The following GPATCH2 variants were observed in gnomAD, a reference collection of about 807,000 sequenced individuals.
GPATCH2 encodes the protein G-patch domain containing 2, also known as G patch domain-containing protein 2.
GPATCH2 carries 51 observed loss-of-function variants against 58.0 expected under a neutral mutation model. That is an observed-to-expected ratio of 0.88 (90% confidence interval 0.70 to 1.11). The LOEUF (loss-of-function observed/expected upper bound fraction) is 1.11, where lower values mean the gene tolerates loss of function less well. Among genes scored for constraint, GPATCH2 ranks in the 50% most tolerant of loss-of-function variants. The pLI is 0.00. For missense variants in GPATCH2, 625 were observed against 652.2 expected, an observed-to-expected ratio of 0.96 and a Z score of 0.45; for synonymous variants, 222 against 218.5, an observed-to-expected ratio of 1.02 and a Z score of -0.14.
chr1:217,531,044 AACACACACAC>A (rs56751109), intron 5 of GPATCH2, among the ~76,000 whole-genome samples: 8 of 148,190 alleles, frequency 5.4e-5, no homozygotes, highest in African/African-American at 1.7e-4. Context: ...CAGTTACACA[AACACACACAC>A]ACACACACAC....
At chr1:217,491,791 T>C in intron 7 of GPATCH2, 41 bp from the exon 8 acceptor site, 1 of 746,740 alleles carries the variant, frequency 1.3e-6, no homozygotes, top group South Asian at 1.9e-5. Context: ...AACAAAAATA[T>C]TTTCATTATA....
intron 2 of GPATCH2, among the ~76,000 whole-genome samples, chr1:217,618,319 C>T (rs1668998224): frequency 1.3e-5 from 2 of 150,836 alleles, no homozygotes; most frequent in African/African-American, 4.9e-5. Flanking sequence ...AAGCAATTCT[C>T]CTGCCTCAGC....
intron 9 of GPATCH2, among the ~76,000 whole-genome samples, chr1:217,435,699 T>C (rs1055224932): frequency 1.3e-5 from 2 of 152,202 alleles, no homozygotes; most frequent in African/African-American, 2.4e-5. Context: ...ATTATAACAA[T>C]GATAAGTTAT....
In GPATCH2 at chr1:217,428,627, T is replaced by C. The variant is rs146157028; in HGVS notation, c.*2518A>G. ...TCTGCTTTGAGTGCTGATTCACATA[T>C]ACTGTAGAGTACATATATTCTGTAC... On this transcript the variant is annotated 3_prime_UTR_variant, in exon 10 of 10. Transcript: ENST00000366935. 5 of 152,340 alleles carry C rather than the reference T, an allele frequency of 3.3e-5. No individual in the cohort carries two copies. The highest frequency in any genetic ancestry group is 6.5e-5 in the Admixed American group (1 of 15,312). The allele number at this position is 152,340 out of a possible 1,614,324, so 9.4% of individuals were successfully genotyped here. A position where few individuals can be genotyped will look rare whatever the true frequency, so the allele number is the denominator to read the frequency against.
At chr1:217,616,331 T>C (rs1217076086) in intron 2 of GPATCH2, among the ~76,000 whole-genome samples, 2 of 152,186 alleles carry the variant, frequency 1.3e-5, no homozygotes, top group African/African-American at 4.8e-5. Context: ...TAAATTTAGA[T>C]TTCAAGACTT....
At chr1:217,525,422 T>C (rs1450378948) in intron 5 of GPATCH2, among the ~76,000 whole-genome samples, 2 of 152,230 alleles carry the variant, frequency 1.3e-5, no homozygotes, top group African/African-American at 4.8e-5. Flanking sequence ...ATTTGAGTCA[T>C]TCTTTAAAAG....
At chr1:217,493,315 T>G (rs1218138535) in intron 7 of GPATCH2, among the ~76,000 whole-genome samples, 1 of 152,174 alleles carries the variant, frequency 6.6e-6, no homozygotes, top group Non-Finnish European at 1.5e-5. Context: ...ATCTCTAAAT[T>G]CATAATTTAT....
At chr1:217,548,679 G>T (rs1665197225) in intron 5 of GPATCH2, among the ~76,000 whole-genome samples, 1 of 152,098 alleles carries the variant, frequency 6.6e-6, no homozygotes, top group Non-Finnish European at 1.5e-5. Context: ...GGAACCCAGT[G>T]GGAGGTAACT....
At chr1:217,556,788 T>C (rs551164279) in intron 5 of GPATCH2, among the ~76,000 whole-genome samples, 1 of 152,212 alleles carries the variant, frequency 6.6e-6, no homozygotes, top group Non-Finnish European at 1.5e-5. Flanking sequence ...TTTTCCAAAA[T>C]AGATAAATCA....
intron 8 of GPATCH2, among the ~76,000 whole-genome samples, chr1:217,468,951 A>C (rs1252134918): frequency 6.6e-6 from 1 of 152,180 alleles, no homozygotes; most frequent in African/African-American, 2.4e-5. Flanking sequence ...TCATCCTGAC[A>C]ATGTAAGTGA....
chr1:217,603,913 G>A (rs374554200), intron 5 of GPATCH2, among the ~76,000 whole-genome samples: 3 of 152,000 alleles, frequency 2.0e-5, no homozygotes, highest in Non-Finnish European at 2.9e-5. Flanking sequence ...GTGAGCCACC[G>A]TGCCTGGCCC....
At chr1:217,598,150 C>T (rs1667935281) in intron 5 of GPATCH2, among the ~76,000 whole-genome samples, 1 of 152,024 alleles carries the variant, frequency 6.6e-6, no homozygotes, top group African/African-American at 2.4e-5. Context: ...CTTTGGTAGG[C>T]TGAGGTGGGA....
chr1:217,552,972 T>G (rs1665434817), intron 5 of GPATCH2, among the ~76,000 whole-genome samples: 1 of 152,128 alleles, frequency 6.6e-6, no homozygotes, highest in African/African-American at 2.4e-5. Flanking sequence ...ATTATATAAT[T>G]ATTGGTTTAT....
At chr1:217,577,741 TA>T (rs1174025499) in intron 5 of GPATCH2, among the ~76,000 whole-genome samples, 1 of 146,402 alleles carries the variant, frequency 6.8e-6, no homozygotes, top group Non-Finnish European at 1.5e-5. Context: ...TTTTACTTAT[TA>T]TTATTATTAT....
At chr1:217,446,483 G>T (rs1021763505) in intron 9 of GPATCH2, among the ~76,000 whole-genome samples, 1 of 152,050 alleles carries the variant, frequency 6.6e-6, no homozygotes, top group Non-Finnish European at 1.5e-5. Context: ...TCACCTTAGA[G>T]TTGATTCATT....
At chr1:217,495,073 G>C (rs1558433569) in intron 7 of GPATCH2, 1 of 710,166 alleles carries the variant, frequency 1.4e-6, no homozygotes, top group Admixed American at 6.3e-5. Flanking sequence ...CCTTATTAGT[G>C]ACCTGCAGAT....
At chr1:217,599,231 G>A (rs1417580690) in intron 5 of GPATCH2, among the ~76,000 whole-genome samples, 2 of 152,250 alleles carry the variant, frequency 1.3e-5, no homozygotes, top group East Asian at 3.9e-4. Context: ...TTATTAAGAC[G>A]GTAATGGAAA....
At chr1:217,552,793 A>G (rs1185458345) in intron 5 of GPATCH2, among the ~76,000 whole-genome samples, 1 of 152,164 alleles carries the variant, frequency 6.6e-6, no homozygotes, top group African/African-American at 2.4e-5. Flanking sequence ...GAAATGCAAA[A>G]AAATCTGCAT....
Position 217,520,232 on chromosome 1 carries a change from C to T in GPATCH2, c.1099-5343G>A, listed in dbSNP as rs552197600. On this transcript the variant is annotated intron_variant, in intron 5 of 9. Coordinates refer to ENST00000366935, the MANE Select transcript of GPATCH2 (RefSeq NM_018040.5). The stretch of plus-strand genomic sequence containing the variant: ...GAAGTCACTACAAATCCTTACCTAC[C>T]AGATCTTTTAGTTTCAGACAATGTC... Among the ~76,000 whole-genome samples the T allele has an allele frequency of 1.8e-4, 28 of 152,198 alleles. 1 individual carries two copies. The highest frequency in any genetic ancestry group is 6.7e-4 in the African/African-American group (28 of 41,526).
Sources: allele counts gnomAD v4.1 joint callset (sites outside exome capture counted in the v4.1 genomes callset), GRCh38; gene constraint gnomAD v4.1.1; transcripts MANE v1.5; gene names NCBI Gene and HGNC (gene_info 2026-07-23, HGNC 2026-07-21).